VANGL2: variants seen among roughly 807,000 people sequenced by gnomAD.
VANGL2 encodes the protein VANGL planar cell polarity protein 2.
A neutral mutation model predicts 50.2 loss-of-function variants in VANGL2; 14 were observed. The observed-to-expected ratio is 0.28, with a 90% CI of 0.18 to 0.44. The LOEUF is 0.44. Ranked by LOEUF, VANGL2 falls within the 20% of genes least tolerant of loss-of-function variation. VANGL2 has a pLI of 1.00. For missense variants in VANGL2, 533 were observed against 701.5 expected, an observed-to-expected ratio of 0.76 and a Z score of 2.71; for synonymous variants, 295 against 297.2, an observed-to-expected ratio of 0.99 and a Z score of 0.08.
rs1651198831 is a variant in VANGL2, at chr1:160,419,661, G to A, written c.800+52G>A. 6.3e-7 allele frequency: 1 copy of A among 1,588,796 alleles called. No individual in the cohort carries two copies. Among genetic ancestry groups the A allele is most frequent in the African/African-American group, 1.3e-5 (1 of 74,658 alleles). On this transcript the variant is annotated intron_variant, in intron 4 of 7. Coordinates refer to ENST00000368061, the MANE Select transcript of VANGL2 (RefSeq NM_020335.3). This position sits in a 1 kb window ranked among gnomAD's most constrained non-coding sequence, Gnocchi z 5.8. ...TGGGAGGGAAAGGGCATGGGAGGAT[G>A]TGGAGTGACTGCTAGGGTGGGAGGG...
intron 3 of VANGL2, 63 bp from the exon 4 acceptor site, chr1:160,418,939 C>A: frequency 6.5e-7 from 1 of 1,545,600 alleles, no homozygotes; most frequent in South Asian, 1.2e-5. Context: ...TCTCCTGTTT[C>A]CCTCCTCTTC....
intron 1 of VANGL2, among the ~76,000 whole-genome samples, chr1:160,408,493 T>C (rs74123196): frequency 4.6e-5 from 7 of 152,020 alleles, no homozygotes; most frequent in African/African-American, 1.7e-4. Flanking sequence ...CGGTGCACCC[T>C]GCACTGGGGT....
chr1:160,406,459 G>A (rs1194393849), intron 1 of VANGL2, among the ~76,000 whole-genome samples: 1 of 152,184 alleles, frequency 6.6e-6, no homozygotes, highest in African/African-American at 2.4e-5. Flanking sequence ...GCCAGCATCT[G>A]GGCAGAAACC....
intron 6 of VANGL2, among the ~76,000 whole-genome samples, chr1:160,423,029 C>A (rs1278892259): frequency 6.6e-6 from 1 of 152,066 alleles, no homozygotes; most frequent in African/African-American, 2.4e-5. Flanking sequence ...CCTCAGCCTC[C>A]CCAGTAGCTG....
chr1:160,402,550 C>A (rs1030166459), intron 1 of VANGL2, among the ~76,000 whole-genome samples: 1 of 152,178 alleles, frequency 6.6e-6, no homozygotes, highest in African/African-American at 2.4e-5. Flanking sequence ...GTTTCTTCAG[C>A]AGCTTTTGCA....
At position 160,418,999 on chromosome 1, in the gene VANGL2, T is replaced by C; in HGVS notation, c.193-3T>C. 6.2e-7 allele frequency: 1 copy of C among 1,603,562 alleles called. No individual in the cohort carries two copies. The highest frequency in any genetic ancestry group is 1.7e-5 in the Admixed American group (1 of 59,634). ...TGTGTGGCTGGCCCCCTTCTGCCTG[T>C]AGGATGACAACTGGGGGGAAACGAC... On this transcript the variant is annotated splice_polypyrimidine_tract_variant and splice_region_variant and intron_variant, in intron 3 of 7. Coordinates refer to ENST00000368061, the MANE Select transcript of VANGL2 (RefSeq NM_020335.3).
chr1:160,415,094 G>A (rs761065116), intron 1 of VANGL2, among the ~76,000 whole-genome samples: 1 of 152,164 alleles, frequency 6.6e-6, no homozygotes, highest in East Asian at 1.9e-4. Context: ...TGATCTTACC[G>A]GTAACACTGG....
chr1:160,406,630 TA>T (rs1418579738), intron 1 of VANGL2, among the ~76,000 whole-genome samples: 1 of 152,070 alleles, frequency 6.6e-6, no homozygotes, highest in Non-Finnish European at 1.5e-5. Flanking sequence ...TCACAGCCCC[TA>T]ACAATGTCCT....
At chr1:160,414,266 C>T (rs1428568565) in intron 1 of VANGL2, among the ~76,000 whole-genome samples, 1 of 152,232 alleles carries the variant, frequency 6.6e-6, no homozygotes, top group Non-Finnish European at 1.5e-5. Flanking sequence ...GCCTGGCTGT[C>T]TCTGCAGTGC....
intron 1 of VANGL2, among the ~76,000 whole-genome samples, chr1:160,409,175 A>G (rs138373856): frequency 1.3e-5 from 2 of 152,316 alleles, no homozygotes; most frequent in African/African-American, 4.8e-5. Context: ...TACTCAAGGA[A>G]CCAGTGTCCA....
At chr1:160,407,270 C>T (rs907039336) in intron 1 of VANGL2, among the ~76,000 whole-genome samples, 2 of 152,102 alleles carry the variant, frequency 1.3e-5, no homozygotes, top group Non-Finnish European at 2.9e-5. Context: ...GGTACTTGGG[C>T]CTTTCAGCTG....
At chr1:160,423,312 T>A (rs1004602485) in intron 6 of VANGL2, among the ~76,000 whole-genome samples, 2 of 152,230 alleles carry the variant, frequency 1.3e-5, no homozygotes, top group Non-Finnish European at 2.9e-5. Flanking sequence ...GTTGCATCTT[T>A]TTGCTGCATA....
rs144200522 is a variant in VANGL2, at chr1:160,410,694, ACACACG to A, written c.-190-4950_-190-4945del. ...CCCTTATACACACACACACACACAC[ACACACG>A]CACGCACGCACGCACTACTCTAGGG... On this transcript the variant is annotated intron_variant, in intron 1 of 7. Coordinates refer to ENST00000368061, the MANE Select transcript of VANGL2 (RefSeq NM_020335.3). Among the ~76,000 whole-genome samples, 556 of 143,002 alleles carry A rather than the reference ACACACG, an allele frequency of 3.9e-3. 3 individuals are homozygous for A. The highest frequency in any genetic ancestry group is 0.012 in the African/African-American group (488 of 40,154). The allele number at this position is 143,002 out of a possible 152,430, so 93.8% of individuals were successfully genotyped here.
intron 1 of VANGL2, among the ~76,000 whole-genome samples, chr1:160,408,269 AG>A (rs1650753468): frequency 6.6e-6 from 1 of 151,666 alleles, no homozygotes; most frequent in Admixed American, 6.6e-5. Context: ...CAGGTTTCAG[AG>A]GGGGAACAGA....
chr1:160,419,199 C>T lies in VANGL2; in HGVS notation c.390C>T (p.Pro130=). 1 of 1,613,352 alleles carries T rather than the reference C, an allele frequency of 6.2e-7. No homozygotes were observed. The highest frequency in any genetic ancestry group is 8.5e-7 in the Non-Finnish European group (1 of 1,180,012). ...CGCCTCTGGCCTTCCTGCTGCTGCC[C>T]CCACTGCTGTGGCGGGAGGAGCTGG... ...FLTPLAFLLL[P]PLLWREELEP... is the part of the protein sequence containing the mutation. Residue 130 remains proline, a synonymous_variant, in exon 4 of 8, where the codon CCC becomes CCT. Coordinates refer to ENST00000368061, the MANE Select transcript of VANGL2 (RefSeq NM_020335.3). This position sits in a 1 kb window ranked among gnomAD's most constrained non-coding sequence, Gnocchi z 5.8.
intron 3 of VANGL2, 123 bp from the exon 4 acceptor site, chr1:160,418,879 G>A: frequency 8.0e-7 from 1 of 1,254,470 alleles, no homozygotes; most frequent in Non-Finnish European, 1.1e-6. Flanking sequence ...TCTTCTTTCT[G>A]CCTTCTCCTT....
Position 160,416,096 on chromosome 1 carries a change from G to C in VANGL2, c.106G>C (p.Asp36His). Residue 36 changes from aspartate to histidine, a missense_variant, in exon 3 of 8, where the codon GAT becomes CAT. Coordinates refer to ENST00000368061, the MANE Select transcript of VANGL2 (RefSeq NM_020335.3). ...GGACCGACACCGCTCTAAGAGTCGAGATGGGGGCCGAGGGGACAAGTCGGT... is the reference window on the plus strand; with the variant it reads ...GGACCGACACCGCTCTAAGAGTCGACATGGGGGCCGAGGGGACAAGTCGGT... ...RRDRHRSKSR[D>H]GGRGDKSVTI... The C allele has an allele frequency of 3.7e-6, 6 of 1,614,260 alleles. No homozygotes were observed. The highest frequency in any genetic ancestry group is 5.1e-6 in the Non-Finnish European group (6 of 1,180,044).
chr1:160,407,984 T>A (rs1650740368), intron 1 of VANGL2, among the ~76,000 whole-genome samples: 1 of 152,202 alleles, frequency 6.6e-6, no homozygotes, highest in Non-Finnish European at 1.5e-5. Context: ...CTGGGACAGA[T>A]GCCAGGGGCA....
chr1:160,410,893 C>T (rs1270872293), intron 1 of VANGL2, among the ~76,000 whole-genome samples: 1 of 152,080 alleles, frequency 6.6e-6, no homozygotes, highest in Non-Finnish European at 1.5e-5. Context: ...CCATAACCTC[C>T]CTCCCTTTGG....
Sources: allele counts gnomAD v4.1 joint callset (sites outside exome capture counted in the v4.1 genomes callset), GRCh38; gene constraint gnomAD v4.1.1; non-coding constraint Gnocchi (gnomAD v3.1); transcripts MANE v1.5; gene names NCBI Gene and HGNC (gene_info 2026-07-23, HGNC 2026-07-21).